Variants in CATSPERT observed in about 807,000 individuals in gnomAD.
CATSPERT encodes catsper channel auxiliary subunit tau.
At chr2:201,600,600 A>T in the CATSPERT span, among the ~76,000 whole-genome samples, 2 of 152,100 alleles carry the variant, frequency 1.3e-5, no homozygotes, top group African/African-American at 2.4e-5. Flanking sequence ...AAAATAAAAA[A>T]CTGTCTTCAC....
the CATSPERT span, chr2:201,534,439 A>G: frequency 1.0e-6 from 1 of 984,566 alleles, no homozygotes; most frequent in Non-Finnish European, 1.2e-6. Flanking sequence ...ACTGAATGTA[A>G]TACATACATT....
the CATSPERT span, among the ~76,000 whole-genome samples, chr2:201,591,427 C>T: frequency 6.6e-6 from 1 of 152,092 alleles, no homozygotes; most frequent in Admixed American, 6.6e-5. Context: ...GTGATGCCTC[C>T]AGCTTTGTTC....
chr2:201,496,739 C>T, the CATSPERT span, among the ~76,000 whole-genome samples: 6 of 152,194 alleles, frequency 3.9e-5, no homozygotes, highest in African/African-American at 1.4e-4. Flanking sequence ...GGAACAATTA[C>T]AGGATCACAG....
the CATSPERT span, among the ~76,000 whole-genome samples, chr2:201,521,457 G>GAGAGAGAGAC: frequency 0.016 from 2,471 of 150,836 alleles, 31 homozygotes; most frequent in East Asian, 0.035. Flanking sequence ...GAGAGAAAGA[G>GAGAGAGAGAC]ACACACAGAG....
the CATSPERT span, among the ~76,000 whole-genome samples, chr2:201,490,746 C>T: frequency 3.3e-5 from 5 of 152,116 alleles, no homozygotes; most frequent in African/African-American, 1.2e-4. Flanking sequence ...TGTTTTGAGA[C>T]GGGGTCTCAC....
At chr2:201,567,564 G>T in the CATSPERT span, among the ~76,000 whole-genome samples, 1 of 152,178 alleles carries the variant, frequency 6.6e-6, no homozygotes, top group African/African-American at 2.4e-5. Flanking sequence ...CCAGTCCAAA[G>T]GCTGGTAGGC....
the CATSPERT span, chr2:201,536,075 T>G: frequency 1.2e-6 from 2 of 1,613,360 alleles, no homozygotes; most frequent in Non-Finnish European, 1.7e-6. Context: ...CTTTTAATTT[T>G]ACTTCTAATG....
chr2:201,575,341 A>T, the CATSPERT span: 1 of 1,572,556 alleles, frequency 6.4e-7, no homozygotes, highest in Non-Finnish European at 8.6e-7. Flanking sequence ...AAAAAAAAAT[A>T]AAAATTTTAA....
chr2:201,568,059 G>A, the CATSPERT span, among the ~76,000 whole-genome samples: 1 of 152,176 alleles, frequency 6.6e-6, no homozygotes, highest in Non-Finnish European at 1.5e-5. Flanking sequence ...TTCTCCAGGT[G>A]TTGTATCTCT....
the CATSPERT span, among the ~76,000 whole-genome samples, chr2:201,576,356 A>G: frequency 3.3e-5 from 5 of 152,218 alleles, no homozygotes; most frequent in African/African-American, 9.6e-5. Flanking sequence ...TTAGGCTTTC[A>G]GCAGCTCGAA....
At chr2:201,596,589 T>A in the CATSPERT span, among the ~76,000 whole-genome samples, 4 of 152,148 alleles carry the variant, frequency 2.6e-5, no homozygotes, top group Non-Finnish European at 4.4e-5. Context: ...AAAAAATATT[T>A]CCTCCTCTCT....
At chr2:201,532,832 GTAATA>G in the CATSPERT span, among the ~76,000 whole-genome samples, 1 of 152,294 alleles carries the variant, frequency 6.6e-6, no homozygotes, top group African/African-American at 2.4e-5. Flanking sequence ...ACCACATTTG[GTAATA>G]TATTAGTCAT....
chr2:201,536,270 T>C, the CATSPERT span: 1 of 1,613,078 alleles, frequency 6.2e-7, no homozygotes. Flanking sequence ...CTTGGTCCGA[T>C]TGGTTCAAAG....
the CATSPERT span, among the ~76,000 whole-genome samples, chr2:201,552,233 C>T: frequency 2.6e-5 from 4 of 152,132 alleles, no homozygotes; most frequent in African/African-American, 7.2e-5. Flanking sequence ...TCCTCTCCTC[C>T]CAAAGTGCTG....
the CATSPERT span, among the ~76,000 whole-genome samples, chr2:201,578,093 C>A: frequency 2.6e-5 from 4 of 151,902 alleles, no homozygotes; most frequent in East Asian, 5.8e-4. Context: ...TTAACACTAG[C>A]TAAGTGTATT....
the CATSPERT span, chr2:201,604,816 T>G: frequency 1.9e-6 from 1 of 527,900 alleles, no homozygotes; most frequent in Non-Finnish European, 3.1e-6. Flanking sequence ...GGTATTGGGG[T>G]ATTAATATGA....
the CATSPERT span, among the ~76,000 whole-genome samples, chr2:201,531,432 T>G: frequency 6.6e-6 from 1 of 152,098 alleles, no homozygotes; most frequent in Non-Finnish European, 1.5e-5. Context: ...TAAATAAGAC[T>G]AAATCTCAGT....
At chr2:201,567,404 A>G in the CATSPERT span, among the ~76,000 whole-genome samples, 1 of 152,234 alleles carries the variant, frequency 6.6e-6, no homozygotes, top group Non-Finnish European at 1.5e-5. Context: ...AAATATATTT[A>G]TGATAAGCAA....
chr2:201,598,625 A>C, the CATSPERT span, among the ~76,000 whole-genome samples: 3 of 151,930 alleles, frequency 2.0e-5, no homozygotes, highest in Non-Finnish European at 2.9e-5. Flanking sequence ...TTTGTTGCCC[A>C]GGCTGGAGTG....
Sources: allele counts gnomAD v4.1 joint callset (sites outside exome capture counted in the v4.1 genomes callset), GRCh38; gene constraint gnomAD v4.1.1; transcripts MANE v1.5; gene names NCBI Gene and HGNC (gene_info 2026-07-23, HGNC 2026-07-21).